Variants in RUNX1 observed in about 807,000 individuals in gnomAD.
The protein encoded by RUNX1 is RUNX family transcription factor 1.
A neutral mutation model predicts 42.8 loss-of-function variants in RUNX1; 19 were observed. That is an observed-to-expected ratio of 0.44 (90% CI 0.31 to 0.65). RUNX1 has a LOEUF of 0.65. Ranked by LOEUF, RUNX1 falls within the 30% of genes least tolerant of loss-of-function variation. The pLI is 0.07. For missense variants in RUNX1, 528 were observed against 672.0 expected, an observed-to-expected ratio of 0.79 and a Z score of 2.37; for synonymous variants, 271 against 289.4, an observed-to-expected ratio of 0.94 and a Z score of 0.64.
Position 34,789,764 on chromosome 21 carries a change from C to T in RUNX1, c.*2371G>A. The T allele has an allele frequency of 4.3e-6, 1 of 233,204 alleles. No individual in the cohort carries two copies. The highest frequency in any genetic ancestry group is 2.2e-5 in the African/African-American group (1 of 45,440). 14.4% of individuals were successfully genotyped at this position (233,204 alleles called of 1,614,324 possible). The stretch of plus-strand genomic sequence containing the variant: ...AGCCTACAATAGTGACAAGCCCCCT[C>T]CACACATGGCTTTGAGAGTAAAGGT... On this transcript the variant is annotated 3_prime_UTR_variant, in exon 9 of 9. Transcript: ENST00000675419.
chr21:34,942,105 A>G (rs974633806), intron 2 of RUNX1, among the ~76,000 whole-genome samples: 7 of 152,144 alleles, frequency 4.6e-5, no homozygotes, highest in African/African-American at 1.4e-4. Flanking sequence ...TTCAAATACC[A>G]GAGATTTTAT....
chr21:34,887,242 TGG>T (rs3833348), intron 3 of RUNX1, 146 bp from the exon 4 acceptor site: 29 of 299,316 alleles, frequency 9.7e-5, no homozygotes, highest in Non-Finnish European at 1.1e-4. Context: ...CTGCGGGGGG[TGG>T]GGGGGGGCGG....
chr21:35,045,343 G>A (rs1263705578), intron 2 of RUNX1, among the ~76,000 whole-genome samples: 1 of 152,122 alleles, frequency 6.6e-6, no homozygotes, highest in East Asian at 1.9e-4. Context: ...GCCAGGGTGG[G>A]TCAGATTTGC....
chr21:35,036,432 C>T (rs377202881), intron 2 of RUNX1, among the ~76,000 whole-genome samples: 2 of 152,076 alleles, frequency 1.3e-5, no homozygotes, highest in South Asian at 2.1e-4. Context: ...GCAGGCTTTG[C>T]GGGGAGAAAG....
intron 7 of RUNX1, among the ~76,000 whole-genome samples, chr21:34,825,934 C>T (rs2056980480): frequency 6.6e-6 from 1 of 152,180 alleles, no homozygotes; most frequent in Admixed American, 6.5e-5. Context: ...CCACCAGTGG[C>T]TGGAAGAGAT....
intron 2 of RUNX1, among the ~76,000 whole-genome samples, chr21:34,911,920 G>T (rs1022220925): frequency 6.6e-6 from 1 of 151,856 alleles, no homozygotes; most frequent in African/African-American, 2.4e-5. Flanking sequence ...TAAAGTAATG[G>T]GTAAAGTAAC....
At chr21:34,820,838 C>T (rs2056897772) in intron 7 of RUNX1, among the ~76,000 whole-genome samples, 1 of 152,150 alleles carries the variant, frequency 6.6e-6, no homozygotes, top group South Asian at 2.1e-4. Context: ...ACCCTAGAGA[C>T]TGTTCTGAGG....
At chr21:34,807,428 T>C (rs2056695068) in intron 7 of RUNX1, among the ~76,000 whole-genome samples, 1 of 152,188 alleles carries the variant, frequency 6.6e-6, no homozygotes, top group African/African-American at 2.4e-5. Context: ...ACGCCAGGTC[T>C]TTCAGTCATC....
At chr21:34,837,535 G>A (rs989020588) in intron 6 of RUNX1, among the ~76,000 whole-genome samples, 3 of 152,122 alleles carry the variant, frequency 2.0e-5, no homozygotes, top group Non-Finnish European at 2.9e-5. Context: ...TTCAAGCTGG[G>A]GAAAATGAAT....
chr21:35,014,350 G>A (rs1420276482), intron 2 of RUNX1, among the ~76,000 whole-genome samples: 2 of 152,158 alleles, frequency 1.3e-5, no homozygotes, highest in African/African-American at 2.4e-5. Flanking sequence ...TCCTGCCTAG[G>A]TGTATAGTTG....
Position 34,792,710 on chromosome 21 carries a change from T to C in RUNX1, c.968-100A>G, listed in dbSNP as rs2056465174. ...GGGGGCTACCCAGGATGATACCGCC[T>C]AGGAGGATGGGAAGCCACCCAGGAT... On this transcript the variant is annotated intron_variant, in intron 8 of 8. Coordinates refer to ENST00000675419, the MANE Select transcript of RUNX1 (RefSeq NM_001754.5). This position sits in a 1 kb window ranked among gnomAD's most constrained non-coding sequence, Gnocchi z 6.9. 3.3e-6 allele frequency: 4 copies of C among 1,218,618 alleles called. No individual in the cohort carries two copies. The Admixed American group carries it at 1.0e-4, about 32-fold the overall frequency. 75.5% of individuals were successfully genotyped at this position (1,218,618 alleles called of 1,614,324 possible). A position where few individuals can be genotyped will look rare whatever the true frequency, so the allele number is the denominator to read the frequency against.
intron 5 of RUNX1, among the ~76,000 whole-genome samples, chr21:34,879,721 C>G (rs1272474058): frequency 6.6e-6 from 1 of 152,018 alleles, no homozygotes; most frequent in Admixed American, 6.6e-5. Flanking sequence ...ACTTTTACTA[C>G]TTGTTGCTAT....
chr21:34,976,414 G>A (rs112651059), intron 2 of RUNX1, among the ~76,000 whole-genome samples: 2,492 of 152,250 alleles, frequency 0.016, 29 homozygotes, highest in Non-Finnish European at 0.026. Flanking sequence ...TAAGGAATAA[G>A]TTTTATCCAG....
chr21:34,997,152 A>G (rs2059002541), intron 2 of RUNX1, among the ~76,000 whole-genome samples: 1 of 152,278 alleles, frequency 6.6e-6, no homozygotes, highest in Non-Finnish European at 1.5e-5. Flanking sequence ...GCATTCACTG[A>G]CAGTGAATTA....
chr21:34,809,325 T>G (rs1005838925), intron 7 of RUNX1, among the ~76,000 whole-genome samples: 2 of 152,066 alleles, frequency 1.3e-5, no homozygotes, highest in African/African-American at 4.8e-5. Context: ...TTGAAAAACA[T>G]GAGCCAGAAA....
At chr21:34,801,667 G>C (rs1255307030) in intron 7 of RUNX1, among the ~76,000 whole-genome samples, 2 of 152,198 alleles carry the variant, frequency 1.3e-5, no homozygotes, top group Non-Finnish European at 2.9e-5. Flanking sequence ...AGACCACAGT[G>C]ACCTGTGCTT....
intron 2 of RUNX1, among the ~76,000 whole-genome samples, chr21:34,988,225 C>A (rs1396319817): frequency 6.6e-6 from 1 of 152,140 alleles, no homozygotes; most frequent in African/African-American, 2.4e-5. Flanking sequence ...CTCCTGGTGC[C>A]CCTGGGGTCA....
Position 34,992,674 on chromosome 21 carries a change from T to TAA in RUNX1, c.58+56166_58+56167dup, listed in dbSNP as rs71196923. 5.9e-3 allele frequency among the ~76,000 whole-genome samples: 770 copies of TAA among 129,562 alleles called. 9 individuals carry two copies. Among genetic ancestry groups the TAA allele is most frequent in the African/African-American group, 0.019 (702 of 36,794 alleles). The allele number at this position is 129,562 out of a possible 152,430, so 85.0% of individuals were successfully genotyped here. The stretch of plus-strand genomic sequence containing the variant: ...TTCACAAGATTAAACATTACAAATA[T>TAA]AAAAAAAAAAAAAAGAAAAAAAAAA... On this transcript the variant is annotated intron_variant, in intron 2 of 8. Coordinates refer to ENST00000675419, the MANE Select transcript of RUNX1 (RefSeq NM_001754.5).
chr21:34,888,615 C>G, intron 3 of RUNX1: 1 of 1,056,952 alleles, frequency 9.5e-7, no homozygotes. Flanking sequence ...CCTGGCGGCG[C>G]AGGGCCGGGC....
Sources: allele counts gnomAD v4.1 joint callset (sites outside exome capture counted in the v4.1 genomes callset), GRCh38; gene constraint gnomAD v4.1.1; non-coding constraint Gnocchi (gnomAD v3.1); transcripts MANE v1.5; gene names NCBI Gene and HGNC (gene_info 2026-07-23, HGNC 2026-07-21).